The following SYT1 variants were observed in gnomAD, a reference collection of about 807,000 sequenced individuals.
SYT1 encodes synaptotagmin 1.
In SYT1, 8 loss-of-function variants were observed where a neutral mutation model predicts 44.8. That is an observed-to-expected ratio of 0.18 (90% CI 0.10 to 0.32). The LOEUF (loss-of-function observed/expected upper bound fraction) is 0.32, where lower values mean the gene tolerates loss of function less well. Ranked by LOEUF, SYT1 falls within the 10% of genes least tolerant of loss-of-function variation. SYT1 has a pLI of 1.00. For missense variants in SYT1, 286 were observed against 509.3 expected (o/e 0.56, Z 4.22); for synonymous variants, 154 against 188.8 (o/e 0.82, Z 1.51).
chr12:79,107,492 G>A (rs1451256198), intron 3 of SYT1, among the ~76,000 whole-genome samples: 2 of 151,848 alleles, frequency 1.3e-5, no homozygotes, highest in African/African-American at 4.8e-5. Flanking sequence ...ACATAAGATA[G>A]GTTTGTTCCA....
intron 3 of SYT1, among the ~76,000 whole-genome samples, chr12:79,074,762 C>T (rs1419326313): frequency 6.6e-6 from 1 of 152,088 alleles, no homozygotes; most frequent in Non-Finnish European, 1.5e-5. Context: ...TGAGCATCAG[C>T]TGATGCTCTT....
At chr12:78,960,412 C>G (rs1879439445) in intron 1 of SYT1, 2 of 152,166 alleles carry the variant, frequency 1.3e-5, no homozygotes, top group South Asian at 4.1e-4. Context: ...AAACACTTTT[C>G]TGACTCAATC....
intron 3 of SYT1, among the ~76,000 whole-genome samples, chr12:79,057,567 A>AT (rs1259970648): frequency 6.6e-6 from 1 of 151,696 alleles, no homozygotes; most frequent in Non-Finnish European, 1.5e-5. Flanking sequence ...GAAGTAATAT[A>AT]TTTTTTTTAG....
At chr12:78,955,257 A>G (rs1347964800) in intron 1 of SYT1, among the ~76,000 whole-genome samples, 1 of 152,122 alleles carries the variant, frequency 6.6e-6, no homozygotes, top group Non-Finnish European at 1.5e-5. Flanking sequence ...AGAAGACAAG[A>G]AAAGCGTTGC....
intron 9 of SYT1, among the ~76,000 whole-genome samples, chr12:79,419,835 C>T (rs1308432582): frequency 6.6e-6 from 1 of 151,896 alleles, no homozygotes; most frequent in African/African-American, 2.4e-5. Flanking sequence ...TTTGTCATTC[C>T]AATGTATGTT....
chr12:79,087,970 T>C (rs1877498135), intron 3 of SYT1, among the ~76,000 whole-genome samples: 1 of 152,062 alleles, frequency 6.6e-6, no homozygotes. Flanking sequence ...TAGGGTACAC[T>C]CAGTGACTAT....
intron 8 of SYT1, among the ~76,000 whole-genome samples, chr12:79,346,677 G>C (rs1372909322): frequency 6.6e-6 from 1 of 152,158 alleles, no homozygotes; most frequent in Non-Finnish European, 1.5e-5. Flanking sequence ...ATAGCACTAG[G>C]TACAAAGGAG....
chr12:79,129,573 G>A (rs1868672136), intron 3 of SYT1, among the ~76,000 whole-genome samples: 1 of 152,100 alleles, frequency 6.6e-6, no homozygotes, highest in Admixed American at 6.6e-5. Flanking sequence ...AATCTAGGAG[G>A]GATTACTTTG....
intron 1 of SYT1, among the ~76,000 whole-genome samples, chr12:78,890,881 C>T (rs7977057): frequency 0.053 from 8,118 of 151,950 alleles, 761 homozygotes; most frequent in African/African-American, 0.19. Context: ...GAGTAACCAT[C>T]TGCTAGAAAG....
chr12:78,977,373 G>A (rs1019808172), intron 1 of SYT1: 6 of 152,176 alleles, frequency 3.9e-5, no homozygotes, highest in African/African-American at 1.4e-4. Flanking sequence ...AACATTGCCA[G>A]AAAAGGATAG....
At chr12:79,407,027 T>G (rs1885266932) in intron 9 of SYT1, among the ~76,000 whole-genome samples, 1 of 152,124 alleles carries the variant, frequency 6.6e-6, no homozygotes, top group South Asian at 2.1e-4. Context: ...CCTCAGTTTA[T>G]TTATCTGTTA....
At chr12:79,240,252 A>G (rs1352625500) in intron 4 of SYT1, among the ~76,000 whole-genome samples, 1 of 152,192 alleles carries the variant, frequency 6.6e-6, no homozygotes, top group Non-Finnish European at 1.5e-5. Flanking sequence ...GCAATAGATT[A>G]CCTTTTATCT....
At chr12:79,180,971 GGTTT>G (rs1327576178) in intron 3 of SYT1, among the ~76,000 whole-genome samples, 2 of 151,988 alleles carry the variant, frequency 1.3e-5, no homozygotes, top group African/African-American at 4.8e-5. Context: ...GAGAGCTGAT[GGTTT>G]TATAAGGTGA....
At chr12:79,154,375 C>T (rs935634501) in intron 3 of SYT1, among the ~76,000 whole-genome samples, 15 of 151,182 alleles carry the variant, frequency 9.9e-5, no homozygotes, top group African/African-American at 3.6e-4. Flanking sequence ...AATCCTGAAA[C>T]AACTCTATGA....
intron 9 of SYT1, among the ~76,000 whole-genome samples, chr12:79,374,003 G>A (rs2136055342): frequency 6.6e-6 from 1 of 152,230 alleles, no homozygotes; most frequent in Admixed American, 6.5e-5. Context: ...AATTTAACTG[G>A]GCTCACATAA....
At chr12:79,026,667 T>TTTATATATATATATATA (rs1298013189) in intron 2 of SYT1, among the ~76,000 whole-genome samples, 19 of 102,250 alleles carry the variant, frequency 1.9e-4, no homozygotes, top group Non-Finnish European at 3.1e-4. Context: ...CATATATATT[T>TTTATATATATATATATA]TATATATATA....
intron 2 of SYT1, chr12:79,045,609 A>C (rs1029730979): frequency 2.0e-5 from 3 of 153,672 alleles, no homozygotes; most frequent in Non-Finnish European, 4.3e-5. Flanking sequence ...GGAGCTGTAG[A>C]CAGCACTGTT....
chr12:79,073,771 A>G lies in SYT1; in HGVS notation c.-18+26409A>G, dbSNP rs1248846946. On this transcript the variant is annotated intron_variant, in intron 3 of 10. Coordinates refer to ENST00000261205, the MANE Select transcript of SYT1 (RefSeq NM_005639.3). ...TAATCAAAACATGACCTTCAGCTGTATGTATCTGCTCACCTCTGTCTACCT... is the reference window on the plus strand; with the variant it reads ...TAATCAAAACATGACCTTCAGCTGTGTGTATCTGCTCACCTCTGTCTACCT... Among the ~76,000 whole-genome samples the G allele has an allele frequency of 2.0e-5, 3 of 152,108 alleles. No homozygotes were observed. The East Asian group carries it at 5.8e-4, about 29-fold the overall frequency.
chr12:79,178,909 CAGATAT>C (rs1363737095), intron 3 of SYT1, among the ~76,000 whole-genome samples: 3 of 135,800 alleles, frequency 2.2e-5, no homozygotes, highest in African/African-American at 8.4e-5. Flanking sequence ...CCACCACACC[CAGATAT>C]AGATATAGAT....
Sources: gnomAD v4.1 joint callset for allele counts (sites outside exome capture counted in the v4.1 genomes callset) on GRCh38, gnomAD v4.1.1 for gene constraint, MANE v1.5 for transcripts, NCBI Gene and HGNC (gene_info 2026-07-23, HGNC 2026-07-21) for gene names.